PTPRE: variants seen among roughly 807,000 people sequenced by gnomAD.
PTPRE encodes receptor-type tyrosine-protein phosphatase epsilon.
PTPRE carries 51 observed loss-of-function variants against 102.0 expected under a neutral mutation model. That is an observed-to-expected ratio of 0.50 (90% CI 0.40 to 0.63). The LOEUF (loss-of-function observed/expected upper bound fraction) is 0.63. PTPRE is among the 30% of genes least tolerant of loss of function. The probability of loss-of-function intolerance (pLI) is 0.00; values close to 1 mark genes in which losing one functional copy is unlikely to be tolerated. For synonymous variants in PTPRE, 345 were observed against 348.2 expected (o/e 0.99, Z 0.10); for missense variants, 752 against 915.1 (o/e 0.82, Z 2.30).
chr10:127,985,653 C>T (rs116236807), intron 2 of PTPRE, among the ~76,000 whole-genome samples: 3,807 of 152,210 alleles, frequency 0.025, 151 homozygotes, highest in African/African-American at 0.088. Context: ...TGATCATCAT[C>T]GCAGAATCAT....
In PTPRE at chr10:128,070,751, A is replaced by C; in HGVS notation, c.1294-57A>C. Reference sequence around the variant, plus strand: ...CAGCAGCACTAGTCCTCGGCTGAGCAATGTGCTCAGGAGTGTCAGAGGTTT... The same window carrying C: ...CAGCAGCACTAGTCCTCGGCTGAGCCATGTGCTCAGGAGTGTCAGAGGTTT... On this transcript the variant is annotated intron_variant, in intron 14 of 20. Transcript: ENST00000254667. This position sits in a 1 kb window ranked among gnomAD's most constrained non-coding sequence, Gnocchi z 4.8. The C allele has an allele frequency of 6.4e-7, 1 of 1,552,544 alleles. No individual in the cohort carries two copies. The highest frequency in any genetic ancestry group is 1.1e-5 in the South Asian group (1 of 88,574).
Position 128,049,814 on chromosome 10 carries a change from G to GGT in PTPRE, c.420+154_420+155dup, listed in dbSNP as rs1848410048. The GGT allele has an allele frequency of 2.7e-5, 31 of 1,148,892 alleles. No homozygotes were observed. The South Asian group carries it at 4.4e-4, about 16-fold the overall frequency. 71.2% of individuals were successfully genotyped at this position (1,148,892 alleles called of 1,614,324 possible). Reference sequence around the variant, plus strand: ...CATGAATGGGCGTGTGAGGAAACCTGGTGTGTGGTGCAGTGCCCTTTGCCA... The same window carrying GGT: ...CATGAATGGGCGTGTGAGGAAACCTGGTGTGTGTGGTGCAGTGCCCTTTGCCA... On this transcript the variant is annotated intron_variant, in intron 6 of 20. Transcript: ENST00000254667.
rs949173696 is a variant in PTPRE at position 128,067,162 on chromosome 10, A to C, written c.844-961A>C. On this transcript the variant is annotated intron_variant, in intron 11 of 20. Transcript: ENST00000254667. ...ACACATGTGCACACACACCCCACTC[A>C]CATGCACACATGCACACATTCACAC... 3.8e-4 allele frequency among the ~76,000 whole-genome samples: 56 copies of C among 148,660 alleles called. 1 individual carries two copies. Among genetic ancestry groups the C allele is most frequent in the African/African-American group, 1.3e-3 (54 of 40,152 alleles).
chr10:128,065,121 C>T (rs780712232), intron 10 of PTPRE, among the ~76,000 whole-genome samples: 10 of 141,328 alleles, frequency 7.1e-5, no homozygotes, highest in African/African-American at 2.0e-4. Flanking sequence ...CCCGCAGCCC[C>T]GCCCGGAGCC....
intron 5 of PTPRE, 27 bp from the exon 6 acceptor site, chr10:128,049,503 G>T (rs1346333653): frequency 1.2e-6 from 2 of 1,611,768 alleles, no homozygotes; most frequent in East Asian, 2.2e-5. Context: ...TGGCTAAATG[G>T]CCCCCATGTT....
intron 11 of PTPRE, 22 bp downstream of exon 11, chr10:128,066,216 C>T (rs1391338052): frequency 1.9e-6 from 3 of 1,609,678 alleles, no homozygotes; most frequent in Non-Finnish European, 2.5e-6. Flanking sequence ...TAGTTGCTGC[C>T]CTTCCAGAAA....
chr10:127,992,344 C>T (rs1852757648), intron 2 of PTPRE, among the ~76,000 whole-genome samples: 4 of 152,122 alleles, frequency 2.6e-5, no homozygotes, highest in African/African-American at 9.7e-5. Flanking sequence ...TCAGTGGAGT[C>T]ACCTCTGCAA....
chr10:128,016,281 CAG>C (rs1156766470), intron 2 of PTPRE, among the ~76,000 whole-genome samples: 6 of 152,126 alleles, frequency 3.9e-5, no homozygotes, highest in Non-Finnish European at 7.4e-5. Context: ...AGGTCAAACC[CAG>C]TAATACAGGT....
intron 1 of PTPRE, among the ~76,000 whole-genome samples, chr10:127,964,031 A>T (rs1850046241): frequency 6.6e-6 from 1 of 152,190 alleles, no homozygotes; most frequent in South Asian, 2.1e-4. Flanking sequence ...GAAATCTTCC[A>T]TCTGATGTTC....
chr10:128,052,239 C>T (rs940658190), intron 6 of PTPRE, among the ~76,000 whole-genome samples: 1 of 152,196 alleles, frequency 6.6e-6, no homozygotes, highest in Admixed American at 6.5e-5. Context: ...CTCTTGCCGT[C>T]TGATCTGAGC....
intron 1 of PTPRE, among the ~76,000 whole-genome samples, chr10:127,954,343 C>T (rs1398905487): frequency 6.6e-6 from 1 of 152,174 alleles, no homozygotes; most frequent in Non-Finnish European, 1.5e-5. Context: ...CTGCCAGCCT[C>T]CTGGTGGCAG....
chr10:127,913,363 T>C (rs1213730549), intron 1 of PTPRE, among the ~76,000 whole-genome samples: 5 of 152,234 alleles, frequency 3.3e-5, no homozygotes, highest in Admixed American at 2.6e-4. Flanking sequence ...CTAAATCTGT[T>C]TGGACATTTC....
At position 128,049,787 on chromosome 10, in the gene PTPRE, C is replaced by G; in HGVS notation, c.420+121C>G. ...ACCCTTGCATCAGTTATGACACTGT[C>G]CCATGAATGGGCGTGTGAGGAAACC... is the stretch of plus-strand genomic sequence containing the variant. On this transcript the variant is annotated intron_variant, in intron 6 of 20. Coordinates refer to ENST00000254667, the MANE Select transcript of PTPRE (RefSeq NM_006504.6). 2.9e-6 allele frequency: 4 copies of G among 1,379,174 alleles called. No homozygotes were observed. The East Asian group carries it at 7.3e-5, about 25-fold the overall frequency. The allele number at this position is 1,379,174 out of a possible 1,614,324, so 85.4% of individuals were successfully genotyped here.
At chr10:128,043,260 G>A (rs1430066750) in intron 3 of PTPRE, among the ~76,000 whole-genome samples, 2 of 152,170 alleles carry the variant, frequency 1.3e-5, no homozygotes, top group Admixed American at 1.3e-4. Flanking sequence ...GAATCAGTGG[G>A]AGCCCTGAGC....
At position 128,029,729 on chromosome 10, in the gene PTPRE, G is replaced by A. The variant is rs139295965; in HGVS notation, c.-7-11146G>A. On this transcript the variant is annotated intron_variant, in intron 2 of 20. Transcript: ENST00000254667. ...AAGAAGAGGAGGATGAAGAAAAGAC[G>A]GCATGTGTCCAAGTTGAGCTGAGAC... 3.0e-3 allele frequency among the ~76,000 whole-genome samples: 453 copies of A among 152,330 alleles called. 2 individuals are homozygous for A. The highest frequency in any genetic ancestry group is 0.01 in the African/African-American group (436 of 41,572).
At chr10:127,999,539 C>T (rs927313742) in intron 2 of PTPRE, 2 of 985,358 alleles carry the variant, frequency 2.0e-6, no homozygotes, top group African/African-American at 3.5e-5. Context: ...AAGCATTCTG[C>T]TTACCCAGCT....
chr10:127,981,493 T>C (rs1851611409), intron 1 of PTPRE, among the ~76,000 whole-genome samples: 1 of 149,568 alleles, frequency 6.7e-6, no homozygotes, highest in Non-Finnish European at 1.5e-5. Context: ...TAAAACTGTT[T>C]TTTTTTAAAA....
At chr10:128,038,696 T>C (rs376658746) in intron 2 of PTPRE, among the ~76,000 whole-genome samples, 1 of 149,906 alleles carries the variant, frequency 6.7e-6, no homozygotes, top group Non-Finnish European at 1.5e-5. Flanking sequence ...ATAGGAGATA[T>C]ACCTAGTGTA....
rs1853353861 is a variant in PTPRE, at chr10:127,997,181, C to T, written c.-8+14885C>T. 2.6e-5 allele frequency among the ~76,000 whole-genome samples: 4 copies of T among 152,132 alleles called. No individual in the cohort carries two copies. The South Asian group carries it at 6.2e-4, about 24-fold the overall frequency. On this transcript the variant is annotated intron_variant, in intron 2 of 20. Coordinates refer to ENST00000254667, the MANE Select transcript of PTPRE (RefSeq NM_006504.6). ...GAAGTACAATCCAGATTATTTCTCC[C>T]CTTTTGATCAATGCTTTTCCCGGGA...
Sources: allele counts gnomAD v4.1 joint callset (sites outside exome capture counted in the v4.1 genomes callset), GRCh38; gene constraint gnomAD v4.1.1; non-coding constraint Gnocchi (gnomAD v3.1); transcripts MANE v1.5; gene names NCBI Gene and HGNC (gene_info 2026-07-23, HGNC 2026-07-21).